Variants in KCTD9 observed in about 807,000 individuals in gnomAD.
The protein encoded by KCTD9 is potassium channel tetramerization domain containing 9.
A neutral mutation model predicts 53.3 loss-of-function variants in KCTD9; 17 were observed. The ratio of observed to expected loss-of-function variants is 0.32; its 90% CI spans 0.22 to 0.48. KCTD9 has a LOEUF of 0.48. KCTD9 is among the 20% of genes least tolerant of loss of function. KCTD9 has a pLI of 0.99. For synonymous variants in KCTD9, 128 were observed against 162.7 expected (o/e 0.79, Z 1.62); for missense variants, 179 against 465.5 (o/e 0.38, Z 5.66).
chr8:25,450,503 A>G, intron 1 of KCTD9: 1 of 959,282 alleles, frequency 1.0e-6, no homozygotes, highest in Non-Finnish European at 1.2e-6. Flanking sequence ...GTAAAAAAAT[A>G]CACAGTATAA....
chr8:25,436,217 T>C lies in KCTD9; in HGVS notation c.663+18A>G. On this transcript the variant is annotated intron_variant, in intron 8 of 11. Coordinates refer to ENST00000221200, the MANE Select transcript of KCTD9 (RefSeq NM_017634.4). ...GATTTGCTGATAGAAATAATTGATG[T>C]AAAAGCCTGCTAATTACCTGGCATC... 4 of 1,444,502 alleles carry C rather than the reference T, an allele frequency of 2.8e-6. 1 individual carries two copies. The South Asian group carries it at 4.6e-5, about 17-fold the overall frequency. 89.5% of individuals were successfully genotyped at this position (1,444,502 alleles called of 1,614,324 possible). A position where few individuals can be genotyped will look rare whatever the true frequency, so the allele number is the denominator to read the frequency against.
At chr8:25,436,918 A>C (rs1802027973) in intron 6 of KCTD9, among the ~76,000 whole-genome samples, 1 of 152,232 alleles carries the variant, frequency 6.6e-6, no homozygotes, top group African/African-American at 2.4e-5. Context: ...AGAAGACCTC[A>C]ATCAGTTGGC....
intron 1 of KCTD9, among the ~76,000 whole-genome samples, chr8:25,452,621 G>A (rs925027512): frequency 1.6e-4 from 24 of 152,266 alleles, no homozygotes; most frequent in African/African-American, 5.3e-4. Context: ...TGACTCTGAT[G>A]CATGCTAAAG....
At chr8:25,454,517 C>G (rs1313330204) in intron 1 of KCTD9, among the ~76,000 whole-genome samples, 1 of 152,176 alleles carries the variant, frequency 6.6e-6, no homozygotes, top group African/African-American at 2.4e-5. Context: ...TGCAAGTCCC[C>G]ATTTCAATTT....
chr8:25,435,226 T>C, intron 9 of KCTD9, 137 bp downstream of exon 9: 1 of 564,090 alleles, frequency 1.8e-6, no homozygotes, highest in Non-Finnish European at 2.9e-6. Context: ...TTTAGTCTTA[T>C]ATCAACATAA....
At chr8:25,440,891 G>A (rs752558280) in intron 3 of KCTD9, among the ~76,000 whole-genome samples, 2 of 152,150 alleles carry the variant, frequency 1.3e-5, no homozygotes, top group Non-Finnish European at 2.9e-5. Context: ...TGCTTTCAGC[G>A]CCTGTGAAAG....
rs1188192876 is a variant in KCTD9 at position 25,446,112 on chromosome 8, A to G, written c.170+17T>C. 1 of 1,611,620 alleles carries G rather than the reference A, an allele frequency of 6.2e-7. No individual in the cohort carries two copies. Among genetic ancestry groups the G allele is most frequent in the Non-Finnish European group, 8.5e-7 (1 of 1,178,814 alleles). ...TTGAGGCACACTGTTGACAGCTTAT[A>G]AAAAGGTGAAGGTTACCTGATCAAA... On this transcript the variant is annotated intron_variant, in intron 2 of 11. Transcript: ENST00000221200.
rs891122758 is a variant in KCTD9 at position 25,428,496 on chromosome 8, T to C, written c.*1361A>G. On this transcript the variant is annotated 3_prime_UTR_variant, in exon 12 of 12. Coordinates refer to ENST00000221200, the MANE Select transcript of KCTD9 (RefSeq NM_017634.4). Reference sequence around the variant, plus strand: ...GTTTTCAATGATTCCTTGCCTCATGTTGATGAGTCTGTAGAATTCAGAACC... The same window carrying C: ...GTTTTCAATGATTCCTTGCCTCATGCTGATGAGTCTGTAGAATTCAGAACC... 4 of 152,532 alleles carry C rather than the reference T, an allele frequency of 2.6e-5. No individual in the cohort carries two copies. Among genetic ancestry groups the C allele is most frequent in the Admixed American group, 6.6e-5 (1 of 15,264 alleles). The allele number at this position is 152,532 out of a possible 1,614,324, so 9.4% of individuals were successfully genotyped here. A position where few individuals can be genotyped will look rare whatever the true frequency, so the allele number is the denominator to read the frequency against.
intron 1 of KCTD9, among the ~76,000 whole-genome samples, chr8:25,456,742 G>C (rs1802442360): frequency 2.0e-5 from 3 of 152,060 alleles, no homozygotes; most frequent in African/African-American, 7.2e-5. Context: ...GACCAACTCA[G>C]TTAATTTTTG....
At chr8:25,434,949 T>C (rs1002597440) in intron 9 of KCTD9, among the ~76,000 whole-genome samples, 1 of 152,206 alleles carries the variant, frequency 6.6e-6, no homozygotes, top group African/African-American at 2.4e-5. Context: ...ATGCATACCA[T>C]GTTTATTTCA....
intron 1 of KCTD9, among the ~76,000 whole-genome samples, chr8:25,447,469 T>C (rs1400571821): frequency 6.6e-6 from 1 of 152,208 alleles, no homozygotes; most frequent in African/African-American, 2.4e-5. Flanking sequence ...CAAGATTTAT[T>C]ATGTCAAGAT....
intron 1 of KCTD9, among the ~76,000 whole-genome samples, chr8:25,453,527 C>T (rs1005547704): frequency 1.1e-4 from 16 of 151,880 alleles, no homozygotes; most frequent in African/African-American, 3.1e-4. Flanking sequence ...GTGGCGGGCG[C>T]CTGTAATCCC....
intron 6 of KCTD9, among the ~76,000 whole-genome samples, chr8:25,438,732 G>C (rs1802065265): frequency 6.6e-6 from 1 of 152,236 alleles, no homozygotes; most frequent in Non-Finnish European, 1.5e-5. Context: ...CAAAAATCTT[G>C]TGATGTAGAT....
chr8:25,447,325 T>G (rs1027695611), intron 1 of KCTD9, among the ~76,000 whole-genome samples: 3 of 152,138 alleles, frequency 2.0e-5, no homozygotes, highest in Non-Finnish European at 2.9e-5. Context: ...AGGCAGAGGT[T>G]GCAGTGAGCC....
chr8:25,458,270 A>G lies in KCTD9; in HGVS notation c.-24T>C, dbSNP rs1473121013. On this transcript the variant is annotated 5_prime_UTR_variant, in exon 1 of 12. Coordinates refer to ENST00000221200, the MANE Select transcript of KCTD9 (RefSeq NM_017634.4). ...ATCGCGCTGCCCCCGCTGGGTCCTG[A>G]GTGAGCCGCCACCCTCCCACCTGGT... The G allele has an allele frequency of 1.2e-6, 2 of 1,608,302 alleles. No individual in the cohort carries two copies. Among genetic ancestry groups the G allele is most frequent in the East Asian group, 2.2e-5 (1 of 44,692 alleles).
intron 9 of KCTD9, 102 bp downstream of exon 9, chr8:25,435,261 G>A: frequency 1.5e-6 from 1 of 682,870 alleles, no homozygotes; most frequent in Non-Finnish European, 2.2e-6. Flanking sequence ...TCAAGTAAAA[G>A]CTCCAGTAAA....
chr8:25,458,410 A>T lies in KCTD9; in HGVS notation c.-164T>A. The T allele has an allele frequency of 3.9e-6, 3 of 770,402 alleles. No individual in the cohort carries two copies. The highest frequency in any genetic ancestry group is 6.5e-6 in the Non-Finnish European group (3 of 462,540). 47.7% of individuals were successfully genotyped at this position (770,402 alleles called of 1,614,324 possible). Reference sequence around the variant, plus strand: ...ACACCACACGCACGCACTCTGTCCCACACCCAAGGTTCGGCCGGTCCTCCT... The same window carrying T: ...ACACCACACGCACGCACTCTGTCCCTCACCCAAGGTTCGGCCGGTCCTCCT... On this transcript the variant is annotated 5_prime_UTR_variant, in exon 1 of 12. Transcript: ENST00000221200.
chr8:25,453,856 T>C (rs1304438900), intron 1 of KCTD9, among the ~76,000 whole-genome samples: 1 of 152,118 alleles, frequency 6.6e-6, no homozygotes, highest in Non-Finnish European at 1.5e-5. Context: ...GTATATTCTT[T>C]ATTGTATTCT....
chr8:25,434,675 G>C (rs1159572806), intron 9 of KCTD9, among the ~76,000 whole-genome samples: 4 of 152,056 alleles, frequency 2.6e-5, no homozygotes, highest in Admixed American at 2.6e-4. Context: ...CAGCTAATGA[G>C]TAAAACCCAA....
Sources: gnomAD v4.1 joint callset for allele counts (sites outside exome capture counted in the v4.1 genomes callset) on GRCh38, gnomAD v4.1.1 for gene constraint, MANE v1.5 for transcripts, NCBI Gene and HGNC (gene_info 2026-07-23, HGNC 2026-07-21) for gene names.